Variants in STAM observed in about 807,000 individuals in gnomAD.
STAM encodes signal transducing adaptor molecule, also known as signal transducing adapter molecule 1.
A neutral mutation model predicts 63.4 loss-of-function variants in STAM; 16 were observed. The observed-to-expected ratio is 0.25, with a 90% confidence interval of 0.17 to 0.38. The LOEUF (loss-of-function observed/expected upper bound fraction) is 0.38. Ranked by LOEUF, STAM falls within the 10% of genes least tolerant of loss-of-function variation. STAM has a pLI of 1.00. For missense variants in STAM, 636 were observed against 657.1 expected (o/e 0.97, Z 0.35); for synonymous variants, 238 against 223.9 (o/e 1.06, Z -0.56).
chr10:17,693,088 C>A, intron 5 of STAM, 134 bp from the exon 6 acceptor site: 1 of 667,204 alleles, frequency 1.5e-6, no homozygotes. Context: ...AAGGTGGAAG[C>A]TGCTGCAGTT....
At chr10:17,711,302 G>A (rs1836544229) in intron 13 of STAM, among the ~76,000 whole-genome samples, 1 of 152,126 alleles carries the variant, frequency 6.6e-6, no homozygotes, top group Admixed American at 6.5e-5. Context: ...AGCGATGGTA[G>A]TATTATAAGG....
chr10:17,686,758 A>G (rs1835311810), intron 4 of STAM, among the ~76,000 whole-genome samples: 1 of 152,246 alleles, frequency 6.6e-6, no homozygotes, highest in Non-Finnish European at 1.5e-5. Flanking sequence ...TTGCAAATCC[A>G]TTATATGCTC....
chr10:17,706,185 C>G (rs1335048795), intron 12 of STAM, among the ~76,000 whole-genome samples: 2 of 151,984 alleles, frequency 1.3e-5, no homozygotes, highest in East Asian at 3.8e-4. Flanking sequence ...AATTTTTTTA[C>G]TTGGCAGTTA....
chr10:17,653,076 C>T (rs1351452361), intron 1 of STAM, among the ~76,000 whole-genome samples: 1 of 152,068 alleles, frequency 6.6e-6, no homozygotes, highest in Admixed American at 6.5e-5. Flanking sequence ...GGTCTGGGGG[C>T]TGGCCACTCC....
intron 2 of STAM, among the ~76,000 whole-genome samples, chr10:17,681,495 C>G (rs1835084757): frequency 6.6e-6 from 1 of 151,944 alleles, no homozygotes; most frequent in Non-Finnish European, 1.5e-5. Flanking sequence ...TATGGCTTAA[C>G]ATTGTTTATC....
chr10:17,705,677 C>T lies in STAM; in HGVS notation c.1145C>T (p.Ser382Phe). The change falls in exon 12 of 14, where the codon TCC (serine) becomes TTC (phenylalanine). Residue 382 changes from serine (S) to phenylalanine (F), a missense_variant. Ser to Phe is a radical substitution (Grantham distance 155). This residue lies in a region of STAM where 532 missense variants were observed against 536.9 expected (regional missense o/e 0.99). Coordinates refer to ENST00000377524, the MANE Select transcript of STAM (RefSeq NM_003473.4). Reference protein sequence around the residue: ...TKLMNEDPMYSMYAKLQNQPY... With the variant: ...TKLMNEDPMYFMYAKLQNQPY... ...TTAATGAACGAAGATCCGATGTATT[C>T]CATGTATGCAAAGTTACAGAATCAG... is the stretch of plus-strand genomic sequence containing the variant. 1 of 1,613,904 alleles carries T rather than the reference C, an allele frequency of 6.2e-7. No individual in the cohort carries two copies. Among genetic ancestry groups the T allele is most frequent in the Non-Finnish European group, 8.5e-7 (1 of 1,179,912 alleles).
intron 13 of STAM, among the ~76,000 whole-genome samples, chr10:17,711,526 A>C (rs1354212910): frequency 6.6e-6 from 1 of 152,232 alleles, no homozygotes; most frequent in Non-Finnish European, 1.5e-5. Flanking sequence ...TAAAGAAGAT[A>C]TATGCCTTGT....
At chr10:17,660,203 A>G (rs112495785) in intron 1 of STAM, among the ~76,000 whole-genome samples, 38 of 152,324 alleles carry the variant, frequency 2.5e-4, no homozygotes, top group African/African-American at 7.9e-4. Flanking sequence ...ACCTATATAT[A>G]ATTTTTTTAT....
Position 17,644,240 on chromosome 10 carries a change from T to C in STAM, c.-100T>C, listed in dbSNP as rs1833427477. On this transcript the variant is annotated 5_prime_UTR_variant, in exon 1 of 14. Transcript: ENST00000377524. ...TCGCGGACCCTGTAGAGTCGGTCTC[T>C]GTTGCTCTTTTTGCCTGAGGAGTCT... is the stretch of plus-strand genomic sequence containing the variant. 1 of 1,309,464 alleles carries C rather than the reference T, an allele frequency of 7.6e-7. No individual in the cohort carries two copies. The highest frequency in any genetic ancestry group is 1.1e-6 in the Non-Finnish European group (1 of 911,732). 81.1% of individuals were successfully genotyped at this position (1,309,464 alleles called of 1,614,324 possible). A position where few individuals can be genotyped will look rare whatever the true frequency, so the allele number is the denominator to read the frequency against.
At chr10:17,688,907 T>A (rs1053535490) in intron 5 of STAM, among the ~76,000 whole-genome samples, 1 of 152,210 alleles carries the variant, frequency 6.6e-6, no homozygotes, top group Non-Finnish European at 1.5e-5. Context: ...ACTTGAGAGA[T>A]TCTTTTGTGG....
chr10:17,707,798 T>C (rs1351485621), intron 12 of STAM, among the ~76,000 whole-genome samples: 3 of 151,978 alleles, frequency 2.0e-5, no homozygotes, highest in Non-Finnish European at 4.4e-5. Context: ...TTTTAGACTT[T>C]GGGTAGTTAA....
intron 1 of STAM, among the ~76,000 whole-genome samples, chr10:17,659,884 A>AT (rs1554822654): frequency 2.0e-5 from 3 of 152,176 alleles, no homozygotes; most frequent in African/African-American, 7.2e-5. Flanking sequence ...GAGTCCCTCA[A>AT]TTTTTGTTGA....
At chr10:17,656,977 C>T (rs543088531) in intron 1 of STAM, among the ~76,000 whole-genome samples, 33 of 152,272 alleles carry the variant, frequency 2.2e-4, no homozygotes, top group South Asian at 8.3e-4. Flanking sequence ...GGCCCACATG[C>T]GCAGTGCCCT....
chr10:17,647,975 C>G (rs573193062), intron 1 of STAM, among the ~76,000 whole-genome samples: 2 of 152,072 alleles, frequency 1.3e-5, no homozygotes, highest in Non-Finnish European at 2.9e-5. Context: ...GTTCTTTGCC[C>G]AAACCTGCTC....
At chr10:17,654,655 A>G (rs1170079774) in intron 1 of STAM, among the ~76,000 whole-genome samples, 1 of 152,228 alleles carries the variant, frequency 6.6e-6, no homozygotes, top group Non-Finnish European at 1.5e-5. Context: ...TCCCCAAAGT[A>G]AACCTTATTA....
At chr10:17,697,722 C>CTATT (rs76221699) in intron 8 of STAM, among the ~76,000 whole-genome samples, 14,286 of 151,974 alleles carry the variant, frequency 0.094, 720 homozygotes, top group Middle Eastern at 0.14. Flanking sequence ...AATCTCCCCT[C>CTATT]TAGGAAAACA....
intron 2 of STAM, among the ~76,000 whole-genome samples, chr10:17,662,662 C>G (rs1371296039): frequency 6.6e-6 from 1 of 152,194 alleles, no homozygotes; most frequent in Non-Finnish European, 1.5e-5. Flanking sequence ...TGGCTCTAGC[C>G]ATTTAGCTAT....
chr10:17,649,529 T>C (rs569180241), intron 1 of STAM, among the ~76,000 whole-genome samples: 9 of 152,288 alleles, frequency 5.9e-5, no homozygotes, highest in African/African-American at 1.9e-4. Context: ...GAATATAAAC[T>C]CCATTAAGAT....
intron 2 of STAM, among the ~76,000 whole-genome samples, chr10:17,667,354 C>T (rs951786246): frequency 1.3e-5 from 2 of 152,136 alleles, no homozygotes; most frequent in Admixed American, 6.5e-5. Flanking sequence ...GAACCCCTCA[C>T]CTTGTGATCT....
Sources: gnomAD v4.1 joint callset for allele counts (sites outside exome capture counted in the v4.1 genomes callset) on GRCh38, gnomAD v4.1.1 for gene constraint, gnomAD v4.1.1 regional missense constraint, MANE v1.5 for transcripts, NCBI Gene and HGNC (gene_info 2026-07-23, HGNC 2026-07-21) for gene names.